Variants in MAGI1 observed in about 807,000 individuals in gnomAD.
MAGI1 encodes the protein membrane-associated guanylate kinase, WW and PDZ domain-containing protein 1.
MAGI1 carries 58 observed loss-of-function variants against 139.9 expected under a neutral mutation model. The observed-to-expected ratio is 0.41, with a 90% CI of 0.34 to 0.52. The LOEUF is 0.52. Ranked by LOEUF, MAGI1 falls within the 20% of genes least tolerant of loss-of-function variation. The pLI is 0.12. For missense variants in MAGI1, 1,874 were observed against 1,901.6 expected (o/e 0.99, Z 0.27); for synonymous variants, 812 against 737.9 (o/e 1.10, Z -1.63).
At chr3:65,471,566 G>A (rs967253195) in intron 4 of MAGI1, among the ~76,000 whole-genome samples, 9 of 152,062 alleles carry the variant, frequency 5.9e-5, no homozygotes, top group African/African-American at 2.2e-4. Context: ...CCCTTGAGGA[G>A]GCTGCCTGTA....
At chr3:65,955,841 A>G (rs921868824) in intron 1 of MAGI1, among the ~76,000 whole-genome samples, 6 of 152,130 alleles carry the variant, frequency 3.9e-5, no homozygotes, top group Admixed American at 2.6e-4. Flanking sequence ...CGCCAGTCAC[A>G]ATATTTACCC....
intron 1 of MAGI1, among the ~76,000 whole-genome samples, chr3:65,656,770 G>A (rs2107350318): frequency 6.6e-6 from 1 of 152,024 alleles, no homozygotes; most frequent in East Asian, 1.9e-4. Context: ...AGGCCAAGTG[G>A]GCAGATCATT....
chr3:65,872,616 C>T (rs264698), intron 1 of MAGI1, among the ~76,000 whole-genome samples: 16 of 152,026 alleles, frequency 1.1e-4, no homozygotes, highest in African/African-American at 3.9e-4. Flanking sequence ...AACACTCAGA[C>T]AATAAATAGA....
intron 1 of MAGI1, among the ~76,000 whole-genome samples, chr3:65,664,424 G>T (rs547114142): frequency 6.6e-6 from 1 of 152,194 alleles, no homozygotes; most frequent in African/African-American, 2.4e-5. Flanking sequence ...TTTAATGCTC[G>T]TAACAACCCT....
chr3:65,556,709 C>T (rs887530172), intron 2 of MAGI1, among the ~76,000 whole-genome samples: 3 of 152,186 alleles, frequency 2.0e-5, no homozygotes, highest in Admixed American at 6.5e-5. Flanking sequence ...TACCTATAAT[C>T]CACGCTGTTA....
intron 2 of MAGI1, among the ~76,000 whole-genome samples, chr3:65,553,146 G>C (rs1559664483): frequency 6.9e-6 from 1 of 145,362 alleles, no homozygotes; most frequent in Non-Finnish European, 1.5e-5. Context: ...TGAGTTGTTG[G>C]TTTTTTTTTT....
intron 1 of MAGI1, among the ~76,000 whole-genome samples, chr3:65,836,840 G>A (rs898544820): frequency 6.6e-6 from 1 of 152,110 alleles, no homozygotes; most frequent in East Asian, 1.9e-4. Context: ...GAGAGAAAGA[G>A]CGAGCTGTGC....
intron 2 of MAGI1, among the ~76,000 whole-genome samples, chr3:65,573,371 T>C (rs1344468098): frequency 2.0e-5 from 3 of 152,010 alleles, no homozygotes; most frequent in Non-Finnish European, 1.5e-5. Context: ...AATAGGGAAA[T>C]AGAGTTTATC....
intron 1 of MAGI1, among the ~76,000 whole-genome samples, chr3:65,654,582 C>T (rs974603544): frequency 5.3e-5 from 8 of 152,066 alleles, no homozygotes; most frequent in Non-Finnish European, 7.4e-5. Context: ...CAACACACAC[C>T]ATTGAGTCTC....
intron 1 of MAGI1, among the ~76,000 whole-genome samples, chr3:65,708,441 C>T (rs2030768735): frequency 6.6e-6 from 1 of 152,162 alleles, no homozygotes; most frequent in African/African-American, 2.4e-5. Flanking sequence ...ACAGACCCCT[C>T]AGAGACGAAG....
chr3:65,434,797 C>A (rs537738676), intron 10 of MAGI1, among the ~76,000 whole-genome samples: 15 of 152,088 alleles, frequency 9.9e-5, no homozygotes, highest in Admixed American at 2.6e-4. Context: ...GTGCTTGAAA[C>A]GTGTGGATCA....
At chr3:65,592,739 T>C (rs1223164854) in intron 2 of MAGI1, among the ~76,000 whole-genome samples, 1 of 152,208 alleles carries the variant, frequency 6.6e-6, no homozygotes, top group Non-Finnish European at 1.5e-5. Flanking sequence ...TAGTGTGTAA[T>C]TTTATGCTGC....
intron 1 of MAGI1, among the ~76,000 whole-genome samples, chr3:65,682,077 G>A (rs555544995): frequency 3.9e-5 from 6 of 151,972 alleles, no homozygotes; most frequent in East Asian, 1.9e-4. Flanking sequence ...AGCTTTTAGC[G>A]TACTCAGAGG....
At chr3:65,530,854 C>CACACACACAT (rs138048319) in intron 2 of MAGI1, among the ~76,000 whole-genome samples, 1 of 108,176 alleles carries the variant, frequency 9.2e-6, no homozygotes, top group Non-Finnish European at 1.8e-5. Flanking sequence ...CACACACACA[C>CACACACACAT]ATATATATAT....
chr3:65,570,110 A>G (rs1234106036), intron 2 of MAGI1, among the ~76,000 whole-genome samples: 1 of 124,150 alleles, frequency 8.1e-6, no homozygotes, highest in East Asian at 2.8e-4. Context: ...TATTATTATT[A>G]TTATTATTCT....
chr3:65,980,399 C>T (rs1372434240), intron 1 of MAGI1, among the ~76,000 whole-genome samples: 3 of 152,026 alleles, frequency 2.0e-5, no homozygotes, highest in Admixed American at 1.3e-4. Context: ...ACCGTCTCTA[C>T]TACAAATACA....
intron 1 of MAGI1, among the ~76,000 whole-genome samples, chr3:65,941,609 C>T (rs375892107): frequency 1.2e-4 from 18 of 152,006 alleles, no homozygotes; most frequent in Middle Eastern, 6.8e-3. Context: ...ACATCCCCAC[C>T]CCCACCTCCC....
At chr3:65,371,238 G>A (rs2106805630) in intron 18 of MAGI1, among the ~76,000 whole-genome samples, 1 of 152,222 alleles carries the variant, frequency 6.6e-6, no homozygotes, top group South Asian at 2.1e-4. Flanking sequence ...GCATACCTCG[G>A]AGATATCACG....
At chr3:65,976,977 G>A (rs2065296850) in intron 1 of MAGI1, among the ~76,000 whole-genome samples, 1 of 152,146 alleles carries the variant, frequency 6.6e-6, no homozygotes, top group Non-Finnish European at 1.5e-5. Flanking sequence ...AGCAGAAATT[G>A]TGCACATATT....
Sources: allele counts gnomAD v4.1 joint callset (sites outside exome capture counted in the v4.1 genomes callset), GRCh38; gene constraint gnomAD v4.1.1; transcripts MANE v1.5; gene names NCBI Gene and HGNC (gene_info 2026-07-23, HGNC 2026-07-21).